The following COL20A1 variants were observed in gnomAD, a reference collection of about 807,000 sequenced individuals.
COL20A1 encodes collagen alpha-1(XX) chain.
In COL20A1, 164 loss-of-function variants were observed where a neutral mutation model predicts 152.9. The observed-to-expected ratio is 1.07, with a 90% CI of 0.94 to 1.22. The LOEUF is 1.22. Among genes scored for constraint, COL20A1 ranks in the 50% most tolerant of loss-of-function variants. The pLI, the probability that COL20A1 is intolerant of heterozygous loss-of-function variation, is 0.00. For synonymous variants in COL20A1, 864 were observed against 756.0 expected (o/e 1.14, Z -2.34); for missense variants, 1,873 against 1,744.8 (o/e 1.07, Z -1.31).
chr20:63,327,615 G>A (rs1383572194), intron 31 of COL20A1: 7 of 338,472 alleles, frequency 2.1e-5, no homozygotes, highest in East Asian at 1.2e-4. Flanking sequence ...GGCCTGACCC[G>A]GGCCCGGGGC....
Position 63,305,848 on chromosome 20 carries a change from C to T in COL20A1, c.338-33C>T, listed in dbSNP as rs770942174. The T allele has an allele frequency of 6.2e-7, 1 of 1,610,382 alleles. No homozygotes were observed. The highest frequency in any genetic ancestry group is 1.3e-5 in the African/African-American group (1 of 75,036). ...GCCCCAGTGGACCAGGCCCTCCACT[C>T]CCACCCTGATGGCTCTTTGTGTCTC... On this transcript the variant is annotated intron_variant, in intron 4 of 35. Coordinates refer to ENST00000358894, the MANE Select transcript of COL20A1 (RefSeq NM_020882.4). This position sits in a 1 kb window ranked among gnomAD's most constrained non-coding sequence, Gnocchi z 4.9.
intron 3 of COL20A1, among the ~76,000 whole-genome samples, chr20:63,298,381 C>A (rs1434852893): frequency 6.6e-6 from 1 of 152,138 alleles, no homozygotes; most frequent in Non-Finnish European, 1.5e-5. Context: ...GCCTCAATCT[C>A]CCGAGCTCAG....
At chr20:63,301,075 G>A (rs2067857084) in intron 3 of COL20A1, among the ~76,000 whole-genome samples, 1 of 152,238 alleles carries the variant, frequency 6.6e-6, no homozygotes, top group African/African-American at 2.4e-5. Flanking sequence ...AGCTCTTTGG[G>A]AGGCCAAGGT....
At position 63,297,949 on chromosome 20, in the gene COL20A1, G is replaced by A. The variant is rs369131228; in HGVS notation, c.122G>A (p.Arg41Gln). Reference protein sequence around the residue: ...LLRLAVLPEDRLQMKWRESEG... With the variant: ...LLRLAVLPEDQLQMKWRESEG... ...AGGCTGGCTGTGCTGCCTGAGGACC[G>A]GCTGCAGATGAAGTGGAGAGAGTCG... Residue 41 changes from arginine (R) to glutamine (Q), a missense_variant, in exon 3 of 36, where the codon CGG becomes CAG. Coordinates refer to ENST00000358894, the MANE Select transcript of COL20A1 (RefSeq NM_020882.4). The A allele has an allele frequency of 3.7e-5, 60 of 1,613,188 alleles. No homozygotes were observed. The highest frequency in any genetic ancestry group is 1.6e-4 in the Middle Eastern group (1 of 6,078).
chr20:63,320,776 C>T (rs1224078399), intron 25 of COL20A1, among the ~76,000 whole-genome samples: 2 of 152,306 alleles, frequency 1.3e-5, no homozygotes, highest in Admixed American at 1.3e-4. Flanking sequence ...TCCTGGGGCT[C>T]ATGCGGACAG....
chr20:63,327,855 T>C, intron 31 of COL20A1, 97 bp from the exon 32 acceptor site: 1 of 1,261,524 alleles, frequency 7.9e-7, no homozygotes, highest in African/African-American at 1.5e-5. Flanking sequence ...GCTATCAGGC[T>C]GCCTGAGTGA....
intron 21 of COL20A1, 66 bp downstream of exon 21, chr20:63,316,757 A>C: frequency 1.3e-5 from 9 of 714,056 alleles, no homozygotes; most frequent in African/African-American, 1.9e-5. Flanking sequence ...TTAGGAGGAC[A>C]TGGTGGGGGG....
In COL20A1 at chr20:63,325,509, G is replaced by T. The variant is rs1255054321; in HGVS notation, c.3348+15G>T. 5.0e-6 allele frequency: 8 copies of T among 1,609,708 alleles called. No homozygotes were observed. Among genetic ancestry groups the T allele is most frequent in the Non-Finnish European group, 6.8e-6 (8 of 1,177,598 alleles). On this transcript the variant is annotated intron_variant, in intron 28 of 35. Transcript: ENST00000358894. ...CAGGCTTGCAGGTAGTGTGGCTGGG[G>T]CCAGGGGGCCACAGGGGTTGGTGGG...
At position 63,313,007 on chromosome 20, in the gene COL20A1, T is replaced by C; in HGVS notation, c.2076+73T>C. The C allele has an allele frequency of 1.3e-6, 2 of 1,536,654 alleles. No individual in the cohort carries two copies. The highest frequency in any genetic ancestry group is 2.5e-5 in the East Asian group (1 of 40,712). ...TAGTCCTGAAGCCAAAGTCTAGGGC[T>C]CAGAGCCATATGTGCGCCCACCCTG... On this transcript the variant is annotated intron_variant, in intron 16 of 35. Transcript: ENST00000358894. The surrounding 1 kb of genome is among the most constrained non-coding windows in gnomAD (Gnocchi z 5.9).
Position 63,325,730 on chromosome 20 carries a change from T to A in COL20A1, c.3402+9T>A. On this transcript the variant is annotated intron_variant, in intron 29 of 35. Coordinates refer to ENST00000358894, the MANE Select transcript of COL20A1 (RefSeq NM_020882.4). The stretch of plus-strand genomic sequence containing the variant: ...GCCTCCAGGGACCAAAGGTGCCGGC[T>A]CTGGGCTTGGAGGGTTCTGTCAGGG... 1 of 1,611,372 alleles carries A rather than the reference T, an allele frequency of 6.2e-7. No homozygotes were observed. Among genetic ancestry groups the A allele is most frequent in the African/African-American group, 1.3e-5 (1 of 74,972 alleles).
intron 7 of COL20A1, 38 bp from the exon 8 acceptor site, chr20:63,308,504 T>C: frequency 6.6e-7 from 1 of 1,513,778 alleles, no homozygotes; most frequent in South Asian, 1.3e-5. Context: ...GAGGGGATGC[T>C]GGCAGCTGCC....
intron 2 of COL20A1, among the ~76,000 whole-genome samples, chr20:63,296,606 C>T (rs2067796954): frequency 6.6e-6 from 1 of 152,192 alleles, no homozygotes; most frequent in Non-Finnish European, 1.5e-5. Flanking sequence ...TGCTCAGGCC[C>T]CAACAGTGCT....
chr20:63,319,745 C>T lies in COL20A1; in HGVS notation c.2916+149C>T, dbSNP rs1209095635. The stretch of plus-strand genomic sequence containing the variant: ...ATTGACCTGGGGCTCTGTTCCTCTA[C>T]CCCAGCTCTTCCATCTTAATTGGAG... On this transcript the variant is annotated intron_variant, in intron 23 of 35. Coordinates refer to ENST00000358894, the MANE Select transcript of COL20A1 (RefSeq NM_020882.4). The surrounding 1 kb of genome is among the most constrained non-coding windows in gnomAD (Gnocchi z 4.4). 2 of 630,490 alleles carry T rather than the reference C, an allele frequency of 3.2e-6. No homozygotes were observed. Among genetic ancestry groups the T allele is most frequent in the South Asian group, 1.9e-5 (1 of 51,614 alleles). The allele number at this position is 630,490 out of a possible 1,614,324, so 39.1% of individuals were successfully genotyped here.
intron 9 of COL20A1, 32 bp from the exon 10 acceptor site, chr20:63,309,726 C>G: frequency 3.3e-6 from 5 of 1,521,394 alleles, no homozygotes; most frequent in Non-Finnish European, 4.4e-6. Context: ...CGTGCAGTGA[C>G]CACCTGCCCC....
chr20:63,304,114 T>C (rs1830217930), intron 3 of COL20A1, among the ~76,000 whole-genome samples: 1 of 146,078 alleles, frequency 6.8e-6, no homozygotes, highest in Admixed American at 6.8e-5. Context: ...TGTGCAGGTG[T>C]GGGTTCCTCC....
Position 63,295,083 on chromosome 20 carries a change from TCTTCCCTGCCA to T in COL20A1, c.-10-13_-10-3del, listed in dbSNP as rs1287047898. On this transcript the variant is annotated splice_region_variant and splice_polypyrimidine_tract_variant and intron_variant, in intron 1 of 35. Transcript: ENST00000358894. ...GGGGGGACGGCTGAAGGGCATGGCC[TCTTCCCTGCCA>T]CAGCCCGAGCACCATGAGCTCCGGA... The T allele has an allele frequency of 6.6e-7, 1 of 1,519,128 alleles. No individual in the cohort carries two copies. The highest frequency in any genetic ancestry group is 8.9e-7 in the Non-Finnish European group (1 of 1,121,964). 94.1% of individuals were successfully genotyped at this position (1,519,128 alleles called of 1,614,324 possible).
At chr20:63,325,921 G>A (rs2068240135) in intron 29 of COL20A1, among the ~76,000 whole-genome samples, 175 bp from the exon 30 acceptor site, 1 of 152,004 alleles carries the variant, frequency 6.6e-6, no homozygotes, top group Non-Finnish European at 1.5e-5. Flanking sequence ...GGCAGGAGCT[G>A]TCACTGAGGC....
Position 63,305,592 on chromosome 20 carries a change from C to T in COL20A1, c.337+32C>T. The T allele has an allele frequency of 6.4e-7, 1 of 1,562,408 alleles. No homozygotes were observed. The highest frequency in any genetic ancestry group is 8.6e-7 in the Non-Finnish European group (1 of 1,156,346). ...CCACCGTCTGCCAGCTGGGTACCCA[C>T]TCCTCCAGGCCGGGTCCCACCCTCC... On this transcript the variant is annotated intron_variant, in intron 4 of 35. Coordinates refer to ENST00000358894, the MANE Select transcript of COL20A1 (RefSeq NM_020882.4). The surrounding 1 kb of genome is among the most constrained non-coding windows in gnomAD (Gnocchi z 4.9).
Position 63,319,962 on chromosome 20 carries a change from C to T in COL20A1, c.2917-77C>T. The stretch of plus-strand genomic sequence containing the variant: ...CCCAGGGATGGGTGTTACTCCCCAG[C>T]CCTGGCCTGGCCTTGGGGGCTCAGG... On this transcript the variant is annotated intron_variant, in intron 23 of 35. Coordinates refer to ENST00000358894, the MANE Select transcript of COL20A1 (RefSeq NM_020882.4). This position sits in a 1 kb window ranked among gnomAD's most constrained non-coding sequence, Gnocchi z 4.4. 1 of 1,300,494 alleles carries T rather than the reference C, an allele frequency of 7.7e-7. No individual in the cohort carries two copies. Among genetic ancestry groups the T allele is most frequent in the Non-Finnish European group, 1.0e-6 (1 of 991,454 alleles). 80.6% of individuals were successfully genotyped at this position (1,300,494 alleles called of 1,614,324 possible). A position where few individuals can be genotyped will look rare whatever the true frequency, so the allele number is the denominator to read the frequency against.
Sources: allele counts gnomAD v4.1 joint callset (sites outside exome capture counted in the v4.1 genomes callset), GRCh38; gene constraint gnomAD v4.1.1; non-coding constraint Gnocchi (gnomAD v3.1); transcripts MANE v1.5; gene names NCBI Gene and HGNC (gene_info 2026-07-23, HGNC 2026-07-21).